BTBD9: variants seen among roughly 807,000 people sequenced by gnomAD.
BTBD9 encodes BTB/POZ domain-containing protein 9.
Under a neutral mutation model 64.3 loss-of-function variants are expected in BTBD9, and 49 were observed. That is an observed-to-expected ratio of 0.76 (90% CI 0.61 to 0.97). The LOEUF (loss-of-function observed/expected upper bound fraction) is 0.97. BTBD9 is among the 50% of genes least tolerant of loss of function. The probability of loss-of-function intolerance (pLI) is 0.00; values close to 1 mark genes in which losing one functional copy is unlikely to be tolerated. For synonymous variants in BTBD9, 260 were observed against 274.7 expected (o/e 0.95, Z 0.53); for missense variants, 598 against 762.1 (o/e 0.78, Z 2.53).
In BTBD9 at chr6:38,312,157, G is replaced by A. The variant is rs990593179; in HGVS notation, c.1265-23696C>T. On this transcript the variant is annotated intron_variant, in intron 7 of 10. Coordinates refer to ENST00000481247, the MANE Select transcript of BTBD9 (RefSeq NM_001099272.2). Reference sequence around the variant, plus strand: ...ATTACAGGAGTGAGCCACCATGCCCGGCCAACCTGAGCACCTTTTCGTATG... The same window carrying A: ...ATTACAGGAGTGAGCCACCATGCCCAGCCAACCTGAGCACCTTTTCGTATG... 5.9e-5 allele frequency among the ~76,000 whole-genome samples: 9 copies of A among 151,552 alleles called. No homozygotes were observed. In the South Asian group the frequency reaches 8.4e-4, roughly 14 times the overall value.
At chr6:38,588,194 G>A in intron 4 of BTBD9, 2 of 808,860 alleles carry the variant, frequency 2.5e-6, no homozygotes, top group Non-Finnish European at 4.5e-6. Context: ...AACAACCTCA[G>A]CAGTTCCAAG....
Position 38,592,802 on chromosome 6 carries a change from T to G in BTBD9, c.588A>C (p.Ala196=), listed in dbSNP as rs746096818. ...CTAGGAAAATATCTTTTTCGGGAGC[T>G]GCAAATGAGTCTCTTAACACGATGT... The part of the protein sequence containing the change: ...LLNIVLRDSF[A]APEKDIFLAL... Residue 196 remains alanine, a synonymous_variant, in exon 4 of 11, where the codon GCA becomes GCC. Transcript: ENST00000481247. 1.2e-6 allele frequency: 2 copies of G among 1,614,198 alleles called. No individual in the cohort carries two copies. Among genetic ancestry groups the G allele is most frequent in the Non-Finnish European group, 1.7e-6 (2 of 1,180,040 alleles).
At chr6:38,317,425 C>CT (rs906444515) in intron 7 of BTBD9, among the ~76,000 whole-genome samples, 17 of 151,366 alleles carry the variant, frequency 1.1e-4, no homozygotes, top group South Asian at 4.2e-4. Flanking sequence ...TTTTAGGATC[C>CT]TTTTTTTTTA....
intron 7 of BTBD9, among the ~76,000 whole-genome samples, chr6:38,302,492 T>TA (rs1322538499): frequency 3.0e-5 from 1 of 33,674 alleles, no homozygotes; most frequent in South Asian, 1.0e-3. Flanking sequence ...TATGTATATA[T>TA]ATATATATAT....
At chr6:38,578,307 C>A (rs564643219) in intron 5 of BTBD9, among the ~76,000 whole-genome samples, 1 of 152,248 alleles carries the variant, frequency 6.6e-6, no homozygotes, top group South Asian at 2.1e-4. Context: ...AGAGATAATG[C>A]GTGTTTCGTA....
intron 6 of BTBD9, among the ~76,000 whole-genome samples, chr6:38,540,333 T>C (rs1774215056): frequency 6.6e-6 from 1 of 152,188 alleles, no homozygotes; most frequent in Non-Finnish European, 1.5e-5. Context: ...TAAATTAATA[T>C]GAAATACTCC....
chr6:38,279,651 C>T (rs1761432983), intron 8 of BTBD9, among the ~76,000 whole-genome samples: 1 of 152,158 alleles, frequency 6.6e-6, no homozygotes, highest in Non-Finnish European at 1.5e-5. Context: ...GCATATAAAA[C>T]ATCTGCCACA....
rs1020139185 is a variant in BTBD9, at chr6:38,436,746, C to T, written c.1155-91653G>A. On this transcript the variant is annotated intron_variant, in intron 6 of 10. Coordinates refer to ENST00000481247, the MANE Select transcript of BTBD9 (RefSeq NM_001099272.2). The stretch of plus-strand genomic sequence containing the variant: ...GGGGTTTTTCATAAAAAGAAGGGAG[C>T]GGACAGGTTTGAATGCCTTGCTTGC... Among the ~76,000 whole-genome samples, 5 of 152,246 alleles carry T rather than the reference C, an allele frequency of 3.3e-5. No individual in the cohort carries two copies. In the East Asian group the frequency reaches 5.8e-4, roughly 18 times the overall value.
At chr6:38,314,613 T>C (rs2127572747) in intron 7 of BTBD9, among the ~76,000 whole-genome samples, 1 of 152,272 alleles carries the variant, frequency 6.6e-6, no homozygotes, top group Non-Finnish European at 1.5e-5. Context: ...TTTCTTTCTC[T>C]TTCTTTTCTT....
At chr6:38,321,527 C>G (rs1392248087) in intron 7 of BTBD9, among the ~76,000 whole-genome samples, 1 of 152,232 alleles carries the variant, frequency 6.6e-6, no homozygotes, top group Non-Finnish European at 1.5e-5. Context: ...AACTGGACAG[C>G]AAACCACCCT....
At chr6:38,319,835 C>G (rs145448727) in intron 7 of BTBD9, among the ~76,000 whole-genome samples, 1 of 152,080 alleles carries the variant, frequency 6.6e-6, no homozygotes, top group Non-Finnish European at 1.5e-5. Context: ...AAGTCACTGG[C>G]TCTTAGCCCA....
At chr6:38,515,112 A>T (rs1772958277) in intron 6 of BTBD9, among the ~76,000 whole-genome samples, 1 of 152,194 alleles carries the variant, frequency 6.6e-6, no homozygotes, top group African/African-American at 2.4e-5. Context: ...TTCCAGTTTT[A>T]CAGATGCTTC....
At chr6:38,574,235 T>A (rs1052508827) in intron 6 of BTBD9, among the ~76,000 whole-genome samples, 1 of 152,300 alleles carries the variant, frequency 6.6e-6, no homozygotes, top group East Asian at 1.9e-4. Context: ...TTATCTGCCA[T>A]TAGATAACAT....
At chr6:38,183,137 A>G (rs995253745) in intron 10 of BTBD9, among the ~76,000 whole-genome samples, 14 of 151,774 alleles carry the variant, frequency 9.2e-5, no homozygotes, top group Non-Finnish European at 1.0e-4. Flanking sequence ...CCGCCACCAC[A>G]CCTGGCTAAT....
Position 38,270,488 on chromosome 6 carries a change from T to A in BTBD9, c.1455-13972A>T, listed in dbSNP as rs1027178286. ...AGGATCCTCCCACTCTGGCACTGAATCCCCAAGAGCCAGCATTGATATTCC... is the reference window on the plus strand; with the variant it reads ...AGGATCCTCCCACTCTGGCACTGAAACCCCAAGAGCCAGCATTGATATTCC... On this transcript the variant is annotated intron_variant, in intron 8 of 10. Coordinates refer to ENST00000481247, the MANE Select transcript of BTBD9 (RefSeq NM_001099272.2). Among the ~76,000 whole-genome samples the A allele has an allele frequency of 5.9e-5, 9 of 152,092 alleles. No individual in the cohort carries two copies. In the East Asian group the frequency reaches 1.7e-3, roughly 29 times the overall value.
At chr6:38,538,860 C>T (rs1241086365) in intron 6 of BTBD9, among the ~76,000 whole-genome samples, 1 of 151,734 alleles carries the variant, frequency 6.6e-6, no homozygotes, top group South Asian at 2.1e-4. Context: ...CTCAGGTCAC[C>T]GCAACCTCTG....
chr6:38,279,301 G>C (rs990458607), intron 8 of BTBD9, among the ~76,000 whole-genome samples: 6 of 152,074 alleles, frequency 3.9e-5, no homozygotes, highest in Non-Finnish European at 8.8e-5. Flanking sequence ...ACTGACATCA[G>C]GTGCTATCGA....
intron 4 of BTBD9, among the ~76,000 whole-genome samples, chr6:38,581,022 G>A (rs746338956): frequency 6.6e-6 from 1 of 152,084 alleles, no homozygotes; most frequent in Non-Finnish European, 1.5e-5. Context: ...GTAAAACCCC[G>A]TCTCAACTAA....
intron 9 of BTBD9, among the ~76,000 whole-genome samples, chr6:38,236,847 A>C (rs550900967): frequency 5.3e-4 from 81 of 152,334 alleles, no homozygotes; most frequent in Non-Finnish European, 7.4e-5. Flanking sequence ...GGGAGGAAGA[A>C]AACAATAGCT....
Sources: gnomAD v4.1 joint callset for allele counts (sites outside exome capture counted in the v4.1 genomes callset) on GRCh38, gnomAD v4.1.1 for gene constraint, MANE v1.5 for transcripts, NCBI Gene and HGNC (gene_info 2026-07-23, HGNC 2026-07-21) for gene names.